The following PDE4D variants were observed in gnomAD, a reference collection of about 807,000 sequenced individuals.
The protein encoded by PDE4D is phosphodiesterase 4D.
A neutral mutation model predicts 87.4 loss-of-function variants in PDE4D; 24 were observed. The ratio of observed to expected loss-of-function variants is 0.27; its 90% CI spans 0.20 to 0.39. The LOEUF is 0.39. Among genes scored for constraint, PDE4D ranks in the 10% least tolerant of loss-of-function variants. The pLI, the probability that PDE4D is intolerant of heterozygous loss-of-function variation, is 1.00. For missense variants in PDE4D, 714 were observed against 1,041.0 expected (o/e 0.69, Z 4.32); for synonymous variants, 384 against 383.2 (o/e 1.00, Z -0.02).
chr5:59,348,215 T>G (rs1479351050), intron 1 of PDE4D, among the ~76,000 whole-genome samples: 2 of 152,164 alleles, frequency 1.3e-5, no homozygotes, highest in African/African-American at 4.8e-5. Flanking sequence ...ACAATGGAAA[T>G]AAGTATTCAA....
intron 1 of PDE4D, among the ~76,000 whole-genome samples, chr5:59,307,914 A>G (rs1471517056): frequency 1.2e-4 from 18 of 150,420 alleles, no homozygotes; most frequent in East Asian, 2.0e-4. Context: ...ATGCACACGT[A>G]TGTTTATTGC....
chr5:59,423,520 A>G (rs1285357102), intron 1 of PDE4D, among the ~76,000 whole-genome samples: 1 of 152,204 alleles, frequency 6.6e-6, no homozygotes, highest in Non-Finnish European at 1.5e-5. Flanking sequence ...GATAGAAAAT[A>G]TATAAATTAA....
chr5:59,812,967 G>T (rs543899298), intron 1 of PDE4D, among the ~76,000 whole-genome samples: 1 of 152,334 alleles, frequency 6.6e-6, no homozygotes, highest in East Asian at 1.9e-4. Context: ...TTTAAAGTGG[G>T]AGACATAATA....
intron 1 of PDE4D, among the ~76,000 whole-genome samples, chr5:59,292,653 T>C (rs373221331): frequency 6.6e-6 from 1 of 152,332 alleles, no homozygotes; most frequent in African/African-American, 2.4e-5. Flanking sequence ...TTGACAATTA[T>C]TGAAGTCGAC....
chr5:59,516,247 T>C (rs1251180430), intron 1 of PDE4D, among the ~76,000 whole-genome samples: 1 of 152,204 alleles, frequency 6.6e-6, no homozygotes, highest in African/African-American at 2.4e-5. Flanking sequence ...AGATTCCCTT[T>C]AGAATCGATG....
intron 1 of PDE4D, among the ~76,000 whole-genome samples, chr5:59,239,335 C>T (rs1253416471): frequency 3.3e-5 from 5 of 152,164 alleles, no homozygotes; most frequent in African/African-American, 7.2e-5. Flanking sequence ...AAATTCTCCT[C>T]AACCCTGCTC....
chr5:59,001,010 T>C lies in PDE4D; in HGVS notation c.922-7545A>G, dbSNP rs74873325. 2.7e-3 allele frequency among the ~76,000 whole-genome samples: 410 copies of C among 152,234 alleles called. 1 individual carries two copies. The highest frequency in any genetic ancestry group is 9.3e-3 in the African/African-American group (385 of 41,530). On this transcript the variant is annotated intron_variant, in intron 6 of 14. Transcript: ENST00000340635. The stretch of plus-strand genomic sequence containing the variant: ...AGCCAGAACAGAACATTTTAATAAC[T>C]GTACACAAAGTTAAGAAAGGAATGA...
At chr5:60,112,685 A>T (rs981249768) in intron 2 of PDE4D, among the ~76,000 whole-genome samples, 4 of 152,052 alleles carry the variant, frequency 2.6e-5, no homozygotes, top group Non-Finnish European at 5.9e-5. Context: ...ATCTGAATAG[A>T]TTCTCTCCTC....
intron 1 of PDE4D, among the ~76,000 whole-genome samples, chr5:59,246,636 T>G (rs981830796): frequency 2.5e-4 from 38 of 152,242 alleles, no homozygotes; most frequent in African/African-American, 9.1e-4. Flanking sequence ...AGTTCTATAA[T>G]TTTTATATGG....
chr5:60,515,734 G>A (rs1238571631), intron 1 of PDE4D, among the ~76,000 whole-genome samples: 1 of 151,700 alleles, frequency 6.6e-6, no homozygotes, highest in Non-Finnish European at 1.5e-5. Context: ...GCACCCACTG[G>A]ATGTTCCTCT....
rs537161074 is a variant in PDE4D, at chr5:60,088,516, A to C, written c.42+97041T>G. Among the ~76,000 whole-genome samples, 7 of 152,032 alleles carry C rather than the reference A, an allele frequency of 4.6e-5. No homozygotes were observed. In the East Asian group the frequency reaches 1.4e-3, roughly 29 times the overall value. On this transcript the variant is annotated intron_variant, in intron 2 of 16. Transcript: ENST00000502484. ...TAAATTGAAACAGCAATAAGTCAAA[A>C]TGTGGGAGGGGGTGGTATTACAATG...
intron 5 of PDE4D, among the ~76,000 whole-genome samples, chr5:59,086,063 T>C (rs1253489145): frequency 6.6e-6 from 1 of 152,206 alleles, no homozygotes; most frequent in African/African-American, 2.4e-5. Flanking sequence ...CTATTAACAA[T>C]GTACTATCAC....
intron 1 of PDE4D, among the ~76,000 whole-genome samples, chr5:59,244,443 T>TAC (rs895241499): frequency 7.9e-6 from 1 of 126,226 alleles, no homozygotes; most frequent in Admixed American, 8.7e-5. Flanking sequence ...AATATATGTA[T>TAC]ACACACACAT....
chr5:59,059,215 A>G (rs1350981628), intron 5 of PDE4D, among the ~76,000 whole-genome samples: 8 of 152,162 alleles, frequency 5.3e-5, no homozygotes, highest in Non-Finnish European at 8.8e-5. Flanking sequence ...TGCTTCCATA[A>G]ACCCCACTGG....
chr5:59,984,133 T>C (rs1225698599), intron 3 of PDE4D, among the ~76,000 whole-genome samples: 1 of 152,104 alleles, frequency 6.6e-6, no homozygotes, highest in East Asian at 1.9e-4. Flanking sequence ...AAAATAACCT[T>C]TAGTGATCAG....
intron 1 of PDE4D, among the ~76,000 whole-genome samples, chr5:59,448,381 T>C (rs1183885134): frequency 6.6e-6 from 1 of 152,190 alleles, no homozygotes; most frequent in Non-Finnish European, 1.5e-5. Context: ...TCTCTTCCCA[T>C]TGTTACTCCC....
intron 6 of PDE4D, among the ~76,000 whole-genome samples, chr5:59,011,190 G>C (rs902819469): frequency 4.6e-5 from 7 of 152,144 alleles, no homozygotes; most frequent in African/African-American, 1.7e-4. Flanking sequence ...AAGATGGGGA[G>C]AAACCAGAGC....
At chr5:60,197,118 T>TAGATAGATAGATAGATAGATAGAC (rs1216969315) in intron 1 of PDE4D, among the ~76,000 whole-genome samples, 1 of 150,134 alleles carries the variant, frequency 6.7e-6, no homozygotes, top group African/African-American at 2.5e-5. Flanking sequence ...GATAGATAGA[T>TAGATAGATAGATAGATAGATAGAC]AGATAGATTA....
chr5:59,233,299 GAATT>G (rs1265412841), intron 1 of PDE4D, among the ~76,000 whole-genome samples: 2 of 152,022 alleles, frequency 1.3e-5, no homozygotes, highest in Non-Finnish European at 2.9e-5. Context: ...CAAATATTGT[GAATT>G]AATTATTTTA....
Sources: gnomAD v4.1 joint callset for allele counts (sites outside exome capture counted in the v4.1 genomes callset) on GRCh38, gnomAD v4.1.1 for gene constraint, MANE v1.5 for transcripts, NCBI Gene and HGNC (gene_info 2026-07-23, HGNC 2026-07-21) for gene names.